The following CYBRD1 variants were observed in gnomAD, a reference collection of about 807,000 sequenced individuals.
The protein encoded by CYBRD1 is plasma membrane ascorbate-dependent reductase CYBRD1.
CYBRD1 carries 14 observed loss-of-function variants against 21.9 expected under a neutral mutation model. That is an observed-to-expected ratio of 0.64 (90% CI 0.42 to 1.00). The LOEUF (loss-of-function observed/expected upper bound fraction) is 1.00. Ranked by LOEUF, CYBRD1 falls within the 50% of genes least tolerant of loss-of-function variation. The pLI is 0.00. For synonymous variants in CYBRD1, 146 were observed against 136.5 expected, an observed-to-expected ratio of 1.07 and a Z score of -0.48; for missense variants, 328 against 352.5, an observed-to-expected ratio of 0.93 and a Z score of 0.56.
intron 1 of CYBRD1, chr2:171,523,382 CT>C: frequency 3.8e-6 from 1 of 262,812 alleles, no homozygotes; most frequent in South Asian, 3.5e-5. Flanking sequence ...GAGTGTTAAA[CT>C]CAGTCGAGTC....
intron 2 of CYBRD1, among the ~76,000 whole-genome samples, chr2:171,547,371 G>A (rs1300089031): frequency 1.3e-5 from 2 of 151,984 alleles, no homozygotes; most frequent in East Asian, 1.9e-4. Flanking sequence ...TTGGGTGAGA[G>A]GGGAGGAGAC....
intron 1 of CYBRD1, among the ~76,000 whole-genome samples, chr2:171,539,307 AATCCC>A (rs1375259499): frequency 5.9e-5 from 9 of 151,962 alleles, no homozygotes; most frequent in Admixed American, 6.6e-5. Context: ...AACATGATGG[AATCCC>A]ATCTCTGCTA....
At position 171,551,447 on chromosome 2, in the gene CYBRD1, A is replaced by G. The variant is rs116400028; in HGVS notation, c.403-1899A>G. 1.7e-3 allele frequency among the ~76,000 whole-genome samples: 262 copies of G among 152,314 alleles called. 1 individual carries two copies. The highest frequency in any genetic ancestry group is 1.4e-3 in the Non-Finnish European group (96 of 68,030). On this transcript the variant is annotated intron_variant, in intron 2 of 3. Coordinates refer to ENST00000321348, the MANE Select transcript of CYBRD1 (RefSeq NM_024843.4). Reference sequence around the variant, plus strand: ...ATATGCAAACCAACCTATCAAATGCATTTGTTATTACTTTTTAAATATAAA... The same window carrying G: ...ATATGCAAACCAACCTATCAAATGCGTTTGTTATTACTTTTTAAATATAAA...
chr2:171,531,552 A>G (rs1283081878), intron 1 of CYBRD1, among the ~76,000 whole-genome samples: 3 of 151,998 alleles, frequency 2.0e-5, no homozygotes, highest in South Asian at 2.1e-4. Flanking sequence ...GGCCCAAGTG[A>G]TTCTTCCACC....
At chr2:171,530,413 G>A (rs990319969) in intron 1 of CYBRD1, among the ~76,000 whole-genome samples, 1 of 152,186 alleles carries the variant, frequency 6.6e-6, no homozygotes, top group South Asian at 2.1e-4. Context: ...TTACCAATTG[G>A]GTCAGTTTTT....
Position 171,553,352 on chromosome 2 carries a change from T to A in CYBRD1, c.409T>A (p.Ser137Thr). 6.2e-7 allele frequency: 1 copy of A among 1,613,518 alleles called. No individual in the cohort carries two copies. Among genetic ancestry groups the A allele is most frequent in the Non-Finnish European group, 8.5e-7 (1 of 1,179,614 alleles). ...AVICYLLQLL[S>T]GFSVFLLPWA... Reference sequence around the variant, plus strand: ...TGCACTTTTTGGTGTTTAGCTTCTTTCAGGTTTTTCAGTCTTTCTGCTTCC... The same window carrying A: ...TGCACTTTTTGGTGTTTAGCTTCTTACAGGTTTTTCAGTCTTTCTGCTTCC... The change falls in exon 3 of 4, where the codon TCA becomes ACA. Residue 137 changes from serine (S) to threonine (T), a missense_variant. Ser to Thr is a moderately conservative substitution (Grantham distance 58). Transcript: ENST00000321348.
At chr2:171,532,127 A>T (rs1697476221) in intron 1 of CYBRD1, among the ~76,000 whole-genome samples, 1 of 152,240 alleles carries the variant, frequency 6.6e-6, no homozygotes, top group African/African-American at 2.4e-5. Flanking sequence ...GTTTATTTAA[A>T]GAAGATTCTC....
chr2:171,529,984 C>T (rs1697440413), intron 1 of CYBRD1, among the ~76,000 whole-genome samples: 2 of 152,124 alleles, frequency 1.3e-5, no homozygotes, highest in African/African-American at 2.4e-5. Flanking sequence ...TGGATTTAGA[C>T]TGGGCTCTAA....
intron 1 of CYBRD1, among the ~76,000 whole-genome samples, chr2:171,524,090 G>C (rs1446525325): frequency 1.3e-5 from 2 of 152,156 alleles, no homozygotes; most frequent in African/African-American, 4.8e-5. Flanking sequence ...AACTTGTACT[G>C]CAGCTTTGGC....
chr2:171,553,486 A>T lies in CYBRD1; in HGVS notation c.543A>T (p.Lys181Asn). 6.2e-7 allele frequency: 1 copy of T among 1,611,514 alleles called. No homozygotes were observed. Among genetic ancestry groups the T allele is most frequent in the Non-Finnish European group, 8.5e-7 (1 of 1,178,442 alleles). Residue 181 changes from lysine to asparagine, a missense_variant, in exon 3 of 4, where the codon AAA becomes AAT. Lys to Asn is a moderately conservative substitution (Grantham distance 94). Coordinates refer to ENST00000321348, the MANE Select transcript of CYBRD1 (RefSeq NM_024843.4). The part of the protein sequence containing the change: ...IATALMGLTE[K>N]LIFSLRDPAY... ...CAGCACTTATGGGATTGACAGAGAA[A>T]CTGATTTTTTCCCTGTAAGTTGCAT...
At position 171,546,657 on chromosome 2, in the gene CYBRD1, G is replaced by T. The variant is rs1032770451; in HGVS notation, c.402+4864G>T. ...CATGCTCTCTGCCCTTGTAAAGCTT[G>T]CAGGGAAGATAGGCAATTGAGTATT... On this transcript the variant is annotated intron_variant, in intron 2 of 3. Transcript: ENST00000321348. Among the ~76,000 whole-genome samples, 5 of 152,156 alleles carry T rather than the reference G, an allele frequency of 3.3e-5. No homozygotes were observed. In the South Asian group the frequency reaches 6.2e-4, roughly 19 times the overall value.
intron 2 of CYBRD1, among the ~76,000 whole-genome samples, chr2:171,547,124 T>C (rs945304402): frequency 1.3e-5 from 2 of 152,002 alleles, no homozygotes; most frequent in African/African-American, 4.8e-5. Context: ...CAAGTTTGAA[T>C]AAGTGGGTAG....
intron 1 of CYBRD1, among the ~76,000 whole-genome samples, chr2:171,525,706 T>A (rs1330259519): frequency 6.6e-6 from 1 of 152,180 alleles, no homozygotes; most frequent in Non-Finnish European, 1.5e-5. Flanking sequence ...TAAAGTACAG[T>A]TATTACTCTA....
chr2:171,529,648 G>A (rs1367071043), intron 1 of CYBRD1, among the ~76,000 whole-genome samples: 2 of 152,084 alleles, frequency 1.3e-5, no homozygotes, highest in African/African-American at 4.8e-5. Flanking sequence ...CAGTGGCTGG[G>A]CAGTGGCAGT....
At chr2:171,530,405 A>G (rs934306564) in intron 1 of CYBRD1, among the ~76,000 whole-genome samples, 1 of 152,200 alleles carries the variant, frequency 6.6e-6, no homozygotes, top group African/African-American at 2.4e-5. Context: ...GACACAGTTT[A>G]CCAATTGGGT....
chr2:171,524,734 C>T (rs72884342), intron 1 of CYBRD1, among the ~76,000 whole-genome samples: 1,985 of 152,198 alleles, frequency 0.013, 28 homozygotes, highest in Non-Finnish European at 0.018. Flanking sequence ...TATTTTCTGC[C>T]AAATCTTTTT....
intron 2 of CYBRD1, among the ~76,000 whole-genome samples, chr2:171,542,898 A>AAATG (rs555209427): frequency 7.5e-4 from 114 of 152,262 alleles, no homozygotes; most frequent in Non-Finnish European, 1.3e-3. Context: ...ATAAATAAAT[A>AAATG]AAAATCTTTG....
At chr2:171,545,063 T>A (rs1268301669) in intron 2 of CYBRD1, among the ~76,000 whole-genome samples, 2 of 145,690 alleles carry the variant, frequency 1.4e-5, no homozygotes, top group East Asian at 4.0e-4. Flanking sequence ...TGCTTAAGCC[T>A]GGGAGGTCAA....
chr2:171,538,774 A>G (rs1697583414), intron 1 of CYBRD1, among the ~76,000 whole-genome samples: 1 of 152,098 alleles, frequency 6.6e-6, no homozygotes, highest in Admixed American at 6.6e-5. Context: ...TTATATTTTT[A>G]TAATCCTATG....
Sources: allele counts gnomAD v4.1 joint callset (sites outside exome capture counted in the v4.1 genomes callset), GRCh38; gene constraint gnomAD v4.1.1; transcripts MANE v1.5; gene names NCBI Gene and HGNC (gene_info 2026-07-23, HGNC 2026-07-21).